CDC16: variants seen among roughly 807,000 people sequenced by gnomAD.
CDC16 encodes cell division cycle protein 16 homolog.
CDC16 carries 34 observed loss-of-function variants against 87.0 expected under a neutral mutation model. That is an observed-to-expected ratio of 0.39 (90% CI 0.30 to 0.52). CDC16 has a LOEUF of 0.52. CDC16 is among the 20% of genes least tolerant of loss of function. The pLI is 0.74. For missense variants in CDC16, 653 were observed against 751.9 expected (o/e 0.87, Z 1.54); for synonymous variants, 263 against 260.6 (o/e 1.01, Z -0.09).
rs368628132 is a variant in CDC16, at chr13:114,257,233, A to G, written c.1250+3A>G. On this transcript the variant is annotated splice_donor_region_variant and intron_variant, in intron 13 of 17. Coordinates refer to ENST00000356221, the MANE Select transcript of CDC16 (RefSeq NM_001078645.3). ...GTGGTTGCATTTCAGAATGGAGAGT[A>G]AGTACTGGAAGACCAGAAACCCTTC... is the stretch of plus-strand genomic sequence containing the variant. The G allele has an allele frequency of 8.7e-6, 14 of 1,601,288 alleles. No homozygotes were observed. In the African/African-American group the frequency reaches 1.7e-4, roughly 20 times the overall value.
intron 17 of CDC16, among the ~76,000 whole-genome samples, chr13:114,266,092 C>T (rs967363517): frequency 5.3e-5 from 8 of 152,226 alleles, no homozygotes; most frequent in African/African-American, 1.7e-4. Flanking sequence ...GCTGGGATAA[C>T]AGGCATGAGC....
Position 114,239,507 on chromosome 13 carries a change from G to A in CDC16, c.381+17G>A, listed in dbSNP as rs142643815. 2.6e-6 allele frequency: 4 copies of A among 1,552,378 alleles called. No individual in the cohort carries two copies. The East Asian group carries it at 9.1e-5, about 35-fold the overall frequency. On this transcript the variant is annotated intron_variant, in intron 5 of 17. Coordinates refer to ENST00000356221, the MANE Select transcript of CDC16 (RefSeq NM_001078645.3). ...CAGTCTTCAGTAAGTAGTACTGTGA[G>A]CACAGCTCAGTAACGGCGGCGAGAA... is the stretch of plus-strand genomic sequence containing the variant.
At position 114,254,942 on chromosome 13, in the gene CDC16, A is replaced by G. The variant is rs553163235; in HGVS notation, c.1098-2136A>G. Among the ~76,000 whole-genome samples, 13 of 152,314 alleles carry G rather than the reference A, an allele frequency of 8.5e-5. No individual in the cohort carries two copies. The East Asian group carries it at 2.5e-3, about 29-fold the overall frequency. On this transcript the variant is annotated intron_variant, in intron 12 of 17. Transcript: ENST00000356221. The stretch of plus-strand genomic sequence containing the variant: ...CCTGCTACCTGGAGGCTTCATCTGC[A>G]TGATAAAATTTGGTCTCTGCAACCT...
In CDC16 at chr13:114,247,733, C is replaced by T. The variant is rs551792740; in HGVS notation, c.971+729C>T. 1.3e-4 allele frequency among the ~76,000 whole-genome samples: 20 copies of T among 152,040 alleles called. No individual in the cohort carries two copies. In the East Asian group the frequency reaches 3.9e-3, roughly 29 times the overall value. On this transcript the variant is annotated intron_variant, in intron 11 of 17. Coordinates refer to ENST00000356221, the MANE Select transcript of CDC16 (RefSeq NM_001078645.3). ...TCTACTAAAAATACAAAAAATTAGCCAGATATAGTAGTGGGCATCTGCATC... is the reference window on the plus strand; with the variant it reads ...TCTACTAAAAATACAAAAAATTAGCTAGATATAGTAGTGGGCATCTGCATC...
In CDC16 at chr13:114,260,466, T is replaced by A. The variant is rs17338221; in HGVS notation, c.1314+1068T>A. On this transcript the variant is annotated intron_variant, in intron 14 of 17. Transcript: ENST00000356221. ...GCATCAGCATCACCTAGAAGCCTGC[T>A]AGAAGTGCAGAATCTCAGACCAACT... Among the ~76,000 whole-genome samples, 5 of 152,330 alleles carry A rather than the reference T, an allele frequency of 3.3e-5. No individual in the cohort carries two copies. In the East Asian group the frequency reaches 9.7e-4, roughly 29 times the overall value.
intron 17 of CDC16, among the ~76,000 whole-genome samples, chr13:114,268,409 T>C (rs1031006437): frequency 6.6e-6 from 1 of 152,172 alleles, no homozygotes; most frequent in Admixed American, 6.5e-5. Context: ...GAAGTGAAAG[T>C]ATACTCCACA....
intron 3 of CDC16, among the ~76,000 whole-genome samples, chr13:114,237,450 C>G (rs1292078941): frequency 6.6e-6 from 1 of 151,996 alleles, no homozygotes; most frequent in Non-Finnish European, 1.5e-5. Flanking sequence ...CCACCACACC[C>G]AGCTAATTTT....
chr13:114,262,603 G>A (rs1305433831), intron 15 of CDC16, among the ~76,000 whole-genome samples: 3 of 152,216 alleles, frequency 2.0e-5, no homozygotes, highest in Non-Finnish European at 2.9e-5. Context: ...AGGAGGCATG[G>A]ATTAGGTTCT....
rs2081654797 is a variant in CDC16 at position 114,243,300 on chromosome 13, T to C, written c.585T>C (p.Asn195=). The change falls in exon 7 of 18, where the codon AAT becomes AAC. Residue 195 remains asparagine (N), a synonymous_variant. Transcript: ENST00000356221. Reference sequence around the variant, plus strand: ...CACTACCCCTTAGCAAGCTGTGTAATGAAGAACAGGAATTGCTGCGTTTTC... The same window carrying C: ...CACTACCCCTTAGCAAGCTGTGTAACGAAGAACAGGAATTGCTGCGTTTTC... ...LESLPLSKLC[N]EEQELLRFLF... 2.5e-6 allele frequency: 4 copies of C among 1,596,412 alleles called. No homozygotes were observed. Among genetic ancestry groups the C allele is most frequent in the African/African-American group, 1.3e-5 (1 of 74,704 alleles).
chr13:114,238,183 C>T (rs112635539), intron 3 of CDC16, among the ~76,000 whole-genome samples: 160 of 146,274 alleles, frequency 1.1e-3, no homozygotes, highest in African/African-American at 2.0e-3. Context: ...GCTCCTCGGA[C>T]GCCCAGCAGT....
At chr13:114,250,754 T>C (rs1489482505) in intron 12 of CDC16, 80 bp downstream of exon 12, 2 of 1,375,368 alleles carry the variant, frequency 1.5e-6, no homozygotes, top group Non-Finnish European at 2.0e-6. Context: ...CTATTACTGC[T>C]ATTTGGTTGC....
At chr13:114,262,333 A>T (rs1348044854) in intron 15 of CDC16, among the ~76,000 whole-genome samples, 1 of 152,230 alleles carries the variant, frequency 6.6e-6, no homozygotes, top group Non-Finnish European at 1.5e-5. Flanking sequence ...TTCAAGATTT[A>T]ACAAGTATTT....
In CDC16 at chr13:114,261,941, AAACTT is replaced by A. The variant is rs774539561; in HGVS notation, c.1372_1376del (p.Leu458LysfsTer4). ...GAACAACTTGGGGCATGTCTGCAGA[AAACTT>A]AAGTAAGTGAAGTAGAGCATTTTCA... On this transcript the variant is annotated frameshift_variant and splice_region_variant, in exon 15 of 18. Transcript: ENST00000356221. LOFTEE classifies it high-confidence loss of function. The A allele has an allele frequency of 2.7e-5, 43 of 1,595,922 alleles. No homozygotes were observed. Among genetic ancestry groups the A allele is most frequent in the Admixed American group, 3.5e-5 (2 of 57,382 alleles).
chr13:114,237,058 C>T (rs560778371), intron 3 of CDC16, among the ~76,000 whole-genome samples, 162 bp downstream of exon 3: 1 of 152,076 alleles, frequency 6.6e-6, no homozygotes, highest in East Asian at 1.9e-4. Context: ...AACCCCATCT[C>T]CGCTAAAAAT....
chr13:114,272,336 T>C lies in CDC16; in HGVS notation c.1756T>C (p.Ser586Pro). The change falls in exon 18 of 18, where the codon TCA becomes CCA. Residue 586 changes from serine to proline, a missense_variant. By Grantham distance (74) the Ser-to-Pro change is moderately conservative. Transcript: ENST00000356221. ...EETGLTPLETSRKTPDSRPSL... is the reference protein window; with the variant it reads ...EETGLTPLETPRKTPDSRPSL... Reference sequence around the variant, plus strand: ...AACGGGGCTTACGCCATTGGAAACCTCAAGGAAAACTCCAGATTCCAGACC... The same window carrying C: ...AACGGGGCTTACGCCATTGGAAACCCCAAGGAAAACTCCAGATTCCAGACC... 6.2e-7 allele frequency: 1 copy of C among 1,614,186 alleles called. No homozygotes were observed. Among genetic ancestry groups the C allele is most frequent in the African/African-American group, 1.3e-5 (1 of 75,054 alleles).
intron 5 of CDC16, among the ~76,000 whole-genome samples, chr13:114,240,714 A>C (rs1195390379): frequency 1.3e-5 from 2 of 151,954 alleles, no homozygotes; most frequent in Non-Finnish European, 2.9e-5. Flanking sequence ...TTAGATAGTT[A>C]TTTTTAAGCA....
At chr13:114,247,198 C>G in intron 11 of CDC16, 194 bp downstream of exon 11, 1 of 566,826 alleles carries the variant, frequency 1.8e-6, no homozygotes, top group East Asian at 3.0e-5. Context: ...CCCTCTCTCT[C>G]GAGGGTTCTC....
At chr13:114,248,771 C>T (rs2082000497) in intron 11 of CDC16, among the ~76,000 whole-genome samples, 1 of 152,078 alleles carries the variant, frequency 6.6e-6, no homozygotes, top group Non-Finnish European at 1.5e-5. Context: ...GTACCCTGTA[C>T]TAGGAAGAAA....
Position 114,263,034 on chromosome 13 carries a change from C to G in CDC16, c.1512+20C>G. On this transcript the variant is annotated intron_variant, in intron 16 of 17. Coordinates refer to ENST00000356221, the MANE Select transcript of CDC16 (RefSeq NM_001078645.3). ...CACACAGTATGTCTTTTCTTTGTAC[C>G]TAATTTTAAATCTGGTTAACATTGA... 1 of 1,608,914 alleles carries G rather than the reference C, an allele frequency of 6.2e-7. No homozygotes were observed. Among genetic ancestry groups the G allele is most frequent in the Non-Finnish European group, 8.5e-7 (1 of 1,175,568 alleles).
Sources: gnomAD v4.1 joint callset for allele counts (sites outside exome capture counted in the v4.1 genomes callset) on GRCh38, gnomAD v4.1.1 for gene constraint, MANE v1.5 for transcripts, NCBI Gene and HGNC (gene_info 2026-07-23, HGNC 2026-07-21) for gene names.